PIEZO2: variants seen among roughly 807,000 people sequenced by gnomAD.
The protein encoded by PIEZO2 is piezo-type mechanosensitive ion channel component 2.
PIEZO2 carries 172 observed loss-of-function variants against 337.3 expected under a neutral mutation model. The ratio of observed to expected loss-of-function variants is 0.51; its 90% confidence interval spans 0.45 to 0.58. The LOEUF is 0.58. Among genes scored for constraint, PIEZO2 ranks in the 20% least tolerant of loss-of-function variants. The pLI, the probability that PIEZO2 is intolerant of heterozygous loss-of-function variation, is 0.00. For synonymous variants in PIEZO2, 1,251 were observed against 1,228.5 expected (o/e 1.02, Z -0.38); for missense variants, 3,028 against 3,391.3 (o/e 0.89, Z 2.66).
At chr18:10,974,034 T>A (rs1198847860) in intron 3 of PIEZO2, among the ~76,000 whole-genome samples, 1 of 152,154 alleles carries the variant, frequency 6.6e-6, no homozygotes, top group Non-Finnish European at 1.5e-5. Context: ...AGTTTACAGC[T>A]TTGTGTGCCA....
rs1321757999 is a variant in PIEZO2 at position 10,833,757 on chromosome 18, CCA to C, written c.917+21594_917+21595del. Among the ~76,000 whole-genome samples, 1 of 152,158 alleles carries C rather than the reference CCA, an allele frequency of 6.6e-6. No individual in the cohort carries two copies. Among genetic ancestry groups the C allele is most frequent in the Non-Finnish European group, 1.5e-5 (1 of 68,036 alleles). ...TTTGGGTCAAATATGTGTTTGTTCC[CCA>C]GTTTGGAGCCTCAAGACTTGCCTAC... On this transcript the variant is annotated intron_variant, in intron 7 of 55. Transcript: ENST00000674853. This position sits in a 1 kb window ranked among gnomAD's most constrained non-coding sequence, Gnocchi z 4.7.
rs1226842434 is a variant in PIEZO2, at chr18:10,861,079, C to A, written c.493-3868G>T. ...TGGCTTATTAACAGGCAGGCTTTTT[C>A]CCCCAAAGTGATTCTTCTGCTGATG... is the stretch of plus-strand genomic sequence containing the variant. On this transcript the variant is annotated intron_variant, in intron 5 of 55. Coordinates refer to ENST00000674853, the MANE Select transcript of PIEZO2 (RefSeq NM_001378183.1). This position sits in a 1 kb window ranked among gnomAD's most constrained non-coding sequence, Gnocchi z 4.3. Among the ~76,000 whole-genome samples, 3 of 152,190 alleles carry A rather than the reference C, an allele frequency of 2.0e-5. No individual in the cohort carries two copies. The highest frequency in any genetic ancestry group is 4.4e-5 in the Non-Finnish European group (3 of 68,034).
intron 1 of PIEZO2, among the ~76,000 whole-genome samples, chr18:11,103,826 C>CGTGT (rs760408388): frequency 6.7e-6 from 1 of 149,402 alleles, no homozygotes; most frequent in Non-Finnish European, 1.5e-5. Context: ...TGCGTGTGTG[C>CGTGT]GTGTGTGTGT....
At chr18:10,728,251 T>C (rs1020057084) in intron 36 of PIEZO2, 1 of 152,672 alleles carries the variant, frequency 6.5e-6, no homozygotes, top group African/African-American at 2.4e-5. Context: ...TTGGACACTC[T>C]TGTCCCTCAC....
chr18:10,886,378 GTGTATATATATA>G (rs1288236476), intron 4 of PIEZO2, among the ~76,000 whole-genome samples: 62 of 3,174 alleles, frequency 0.02, 11 homozygotes, highest in East Asian at 0.042. Flanking sequence ...ATGTGTGTGT[GTGTATATATATA>G]TATATATATA....
intron 1 of PIEZO2, among the ~76,000 whole-genome samples, chr18:11,134,866 A>T (rs2040437416): frequency 6.6e-6 from 1 of 152,204 alleles, no homozygotes; most frequent in Admixed American, 6.5e-5. Context: ...CTACATGAGA[A>T]GAAAGAACAA....
Position 11,070,137 on chromosome 18 carries a change from A to G in PIEZO2, c.65-3915T>C, listed in dbSNP as rs2038284823. Among the ~76,000 whole-genome samples the G allele has an allele frequency of 6.6e-6, 1 of 152,222 alleles. No individual in the cohort carries two copies. Among genetic ancestry groups the G allele is most frequent in the Non-Finnish European group, 1.5e-5 (1 of 68,040 alleles). On this transcript the variant is annotated intron_variant, in intron 1 of 55. Coordinates refer to ENST00000674853, the MANE Select transcript of PIEZO2 (RefSeq NM_001378183.1). This position sits in a 1 kb window ranked among gnomAD's most constrained non-coding sequence, Gnocchi z 4.3. ...AAACAAAGATGGTATGCCCTACTGC[A>G]CACCTAGACATATGGTGTAGCCTAC...
At chr18:10,730,550 A>AT (rs59905139) in intron 36 of PIEZO2, among the ~76,000 whole-genome samples, 47,775 of 151,804 alleles carry the variant, frequency 0.31, 8,176 homozygotes, top group East Asian at 0.54. Flanking sequence ...TTCGCTTTTG[A>AT]TTTTTTTATT....
intron 17 of PIEZO2, 35 bp from the exon 18 acceptor site, chr18:10,780,401 T>A (rs1162749668): frequency 2.8e-6 from 2 of 702,820 alleles, no homozygotes; most frequent in Admixed American, 4.0e-5. Flanking sequence ...AGGGATGCAA[T>A]GAGGAGACAG....
intron 4 of PIEZO2, among the ~76,000 whole-genome samples, chr18:10,900,642 G>A (rs908384513): frequency 2.6e-5 from 4 of 152,126 alleles, no homozygotes; most frequent in Non-Finnish European, 5.9e-5. Flanking sequence ...AGTGCCTAAG[G>A]TGACCATAGT....
At chr18:10,718,447 T>G (rs1186812265) in intron 36 of PIEZO2, among the ~76,000 whole-genome samples, 188 bp from the exon 37 acceptor site, 1 of 152,236 alleles carries the variant, frequency 6.6e-6, no homozygotes, top group African/African-American at 2.4e-5. Context: ...GCATAAAAAT[T>G]ATGTAAATCA....
chr18:10,689,128 C>A (rs12957999), intron 49 of PIEZO2, among the ~76,000 whole-genome samples: 82,519 of 152,120 alleles, frequency 0.54, 23,591 homozygotes, highest in Non-Finnish European at 0.65. Context: ...TCTTATGCAA[C>A]AGACTCTTCT....
intron 32 of PIEZO2, 135 bp downstream of exon 32, chr18:10,742,359 A>ATAAAGCTC: frequency 9.8e-7 from 1 of 1,021,776 alleles, no homozygotes; most frequent in East Asian, 2.6e-5. Context: ...CAATGGGAAA[A>ATAAAGCTC]TAAAGCTCGC....
intron 7 of PIEZO2, among the ~76,000 whole-genome samples, chr18:10,812,984 CTTT>C (rs5823122): frequency 2.0e-5 from 3 of 146,348 alleles, no homozygotes; most frequent in African/African-American, 5.0e-5. Flanking sequence ...TTATTTTAAA[CTTT>C]TTTTTTTTTT....
At chr18:10,866,422 A>C (rs1194722319) in intron 5 of PIEZO2, among the ~76,000 whole-genome samples, 1 of 151,898 alleles carries the variant, frequency 6.6e-6, no homozygotes, top group African/African-American at 2.4e-5. Flanking sequence ...AGTAGGTGGG[A>C]CTACAGGCAC....
chr18:10,694,697 C>T (rs1466842245), intron 47 of PIEZO2, among the ~76,000 whole-genome samples: 1 of 151,968 alleles, frequency 6.6e-6, no homozygotes, highest in Non-Finnish European at 1.5e-5. Context: ...TAGTCAGGAG[C>T]GGTGATGTGC....
chr18:11,061,745 T>C (rs1052531341), intron 2 of PIEZO2, among the ~76,000 whole-genome samples: 2 of 151,884 alleles, frequency 1.3e-5, no homozygotes, highest in Non-Finnish European at 2.9e-5. Context: ...CACTGCTCAA[T>C]GAAATAAAAG....
chr18:10,705,858 C>A, intron 40 of PIEZO2, 112 bp from the exon 41 acceptor site: 1 of 1,270,888 alleles, frequency 7.9e-7, no homozygotes, highest in Non-Finnish European at 1.1e-6. Flanking sequence ...GCCCCATTTT[C>A]CCCCCTGCAT....
intron 3 of PIEZO2, among the ~76,000 whole-genome samples, chr18:10,937,615 T>A (rs2032477091): frequency 6.6e-6 from 1 of 152,198 alleles, no homozygotes; most frequent in Admixed American, 6.5e-5. Flanking sequence ...ACAGACCCTA[T>A]ATTAAAACAT....
Sources: allele counts gnomAD v4.1 joint callset (sites outside exome capture counted in the v4.1 genomes callset), GRCh38; gene constraint gnomAD v4.1.1; non-coding constraint Gnocchi (gnomAD v3.1); transcripts MANE v1.5; gene names NCBI Gene and HGNC (gene_info 2026-07-23, HGNC 2026-07-21).